FSIP1: variants seen among roughly 807,000 people sequenced by gnomAD.
The protein encoded by FSIP1 is fibrous sheath-interacting protein 1.
Under a neutral mutation model 60.9 loss-of-function variants are expected in FSIP1, and 65 were observed. The ratio of observed to expected loss-of-function variants is 1.07; its 90% CI spans 0.87 to 1.31. The LOEUF (loss-of-function observed/expected upper bound fraction) is 1.31, where lower values mean the gene tolerates loss of function less well. Ranked by LOEUF, FSIP1 falls within the 40% of genes most tolerant of loss-of-function variation. The probability of loss-of-function intolerance (pLI) is 0.00; values close to 1 mark genes in which losing one functional copy is unlikely to be tolerated. For missense variants in FSIP1, 675 were observed against 665.5 expected (o/e 1.01, Z -0.16); for synonymous variants, 209 against 221.2 (o/e 0.94, Z 0.49).
intron 2 of FSIP1, among the ~76,000 whole-genome samples, chr15:39,774,137 C>T (rs1222453501): frequency 6.6e-6 from 1 of 152,174 alleles, no homozygotes; most frequent in East Asian, 1.9e-4. Context: ...AAAGTCAAAG[C>T]AATTTCAATC....
chr15:39,766,998 C>T (rs1447802863), intron 3 of FSIP1, among the ~76,000 whole-genome samples: 1 of 152,060 alleles, frequency 6.6e-6, no homozygotes, highest in Non-Finnish European at 1.5e-5. Context: ...GTGCATGTCA[C>T]CATACCTGGA....
chr15:39,674,256 G>A (rs2411306), intron 10 of FSIP1, among the ~76,000 whole-genome samples: 137,375 of 152,026 alleles, frequency 0.9, 62,869 homozygotes, highest in Non-Finnish European at 0.99. Flanking sequence ...GGGTTTCACC[G>A]TGTTAGCCAG....
chr15:39,758,817 G>C (rs528034628), intron 5 of FSIP1, among the ~76,000 whole-genome samples: 1 of 152,068 alleles, frequency 6.6e-6, no homozygotes, highest in Admixed American at 6.6e-5. Flanking sequence ...AATCAAAATA[G>C]AGTGGTATTA....
chr15:39,661,965 C>T (rs568824272), intron 10 of FSIP1, among the ~76,000 whole-genome samples: 82 of 152,238 alleles, frequency 5.4e-4, no homozygotes, highest in African/African-American at 1.9e-3. Flanking sequence ...TATTCTTGGA[C>T]AGGCCAGAAT....
At chr15:39,764,016 G>A (rs1216648947) in intron 4 of FSIP1, 102 bp from the exon 5 acceptor site, 4 of 655,652 alleles carry the variant, frequency 6.1e-6, no homozygotes, top group African/African-American at 1.8e-5. Flanking sequence ...ACGTACAAAC[G>A]AGAAGTCTCA....
chr15:39,736,376 T>C (rs1466553000), intron 8 of FSIP1, among the ~76,000 whole-genome samples: 1 of 152,248 alleles, frequency 6.6e-6, no homozygotes, highest in Non-Finnish European at 1.5e-5. Context: ...TTATTATGTG[T>C]GATATTCTGT....
intron 10 of FSIP1, among the ~76,000 whole-genome samples, chr15:39,692,032 G>A (rs1190706322): frequency 6.7e-6 from 1 of 150,202 alleles, no homozygotes; most frequent in Admixed American, 6.7e-5. Context: ...TTTAAGTGCT[G>A]CAAAAGGATT....
chr15:39,749,106 AG>A (rs1897084984), intron 5 of FSIP1, among the ~76,000 whole-genome samples: 1 of 151,902 alleles, frequency 6.6e-6, no homozygotes, highest in African/African-American at 2.4e-5. Context: ...TAAATCAGGA[AG>A]AAACAGAAAG....
At chr15:39,642,671 A>T (rs953876968) in intron 10 of FSIP1, among the ~76,000 whole-genome samples, 1 of 152,216 alleles carries the variant, frequency 6.6e-6, no homozygotes, top group Non-Finnish European at 1.5e-5. Flanking sequence ...GAAAACCTGA[A>T]ACCTTTTTTC....
intron 10 of FSIP1, among the ~76,000 whole-genome samples, chr15:39,699,193 G>C (rs1373940127): frequency 6.6e-6 from 1 of 152,192 alleles, no homozygotes; most frequent in Non-Finnish European, 1.5e-5. Flanking sequence ...TAGTTACAAG[G>C]GAGTCTGAGA....
rs909739531 is a variant in FSIP1, at chr15:39,635,080, A to T, written c.1189-16835T>A. Among the ~76,000 whole-genome samples the T allele has an allele frequency of 2.0e-5, 3 of 152,312 alleles. No individual in the cohort carries two copies. The East Asian group carries it at 5.8e-4, about 29-fold the overall frequency. On this transcript the variant is annotated intron_variant, in intron 10 of 11. Transcript: ENST00000350221. ...GCTGGGTGCGGTAGCTCACGCCTGT[A>T]ATCCCAGCACTTTGGGAAGCCGAGG...
intron 10 of FSIP1, among the ~76,000 whole-genome samples, chr15:39,673,892 TA>T (rs1446683455): frequency 1.3e-5 from 2 of 151,986 alleles, no homozygotes; most frequent in African/African-American, 2.4e-5. Flanking sequence ...AGCATTTTTT[TA>T]GTTTTAGTTT....
chr15:39,678,063 T>C (rs1322045170), intron 10 of FSIP1, among the ~76,000 whole-genome samples: 1 of 151,876 alleles, frequency 6.6e-6, no homozygotes, highest in Non-Finnish European at 1.5e-5. Flanking sequence ...TGTAACATAA[T>C]ATGTCCAGTA....
intron 10 of FSIP1, among the ~76,000 whole-genome samples, chr15:39,637,274 A>G (rs1892174842): frequency 6.6e-6 from 1 of 152,216 alleles, no homozygotes; most frequent in South Asian, 2.1e-4. Flanking sequence ...AACAGAAATA[A>G]CAAAACTAAG....
At chr15:39,722,414 C>A (rs1052484273) in intron 9 of FSIP1, among the ~76,000 whole-genome samples, 1 of 152,110 alleles carries the variant, frequency 6.6e-6, no homozygotes, top group African/African-American at 2.4e-5. Context: ...CCTCTCTGGG[C>A]CCGTGGAAGA....
At chr15:39,775,553 T>A (rs1283378645) in intron 2 of FSIP1, among the ~76,000 whole-genome samples, 1 of 152,150 alleles carries the variant, frequency 6.6e-6, no homozygotes, top group African/African-American at 2.4e-5. Flanking sequence ...ATATCTGATA[T>A]GTTTTGACTC....
intron 10 of FSIP1, among the ~76,000 whole-genome samples, chr15:39,654,001 G>A (rs995827049): frequency 1.3e-5 from 2 of 152,122 alleles, no homozygotes; most frequent in African/African-American, 4.8e-5. Flanking sequence ...CACAGGGTCA[G>A]GGTCACCAAC....
chr15:39,738,992 C>T (rs371893797), intron 7 of FSIP1, among the ~76,000 whole-genome samples: 5 of 152,386 alleles, frequency 3.3e-5, no homozygotes, highest in African/African-American at 1.2e-4. Context: ...AGTGACTCTG[C>T]TCAAGGGTGT....
At chr15:39,686,471 G>A (rs1487951159) in intron 10 of FSIP1, among the ~76,000 whole-genome samples, 1 of 152,144 alleles carries the variant, frequency 6.6e-6, no homozygotes, top group Non-Finnish European at 1.5e-5. Context: ...TGACTTTATC[G>A]CCCCTTGGCA....
Sources: gnomAD v4.1 joint callset for allele counts (sites outside exome capture counted in the v4.1 genomes callset) on GRCh38, gnomAD v4.1.1 for gene constraint, MANE v1.5 for transcripts, NCBI Gene and HGNC (gene_info 2026-07-23, HGNC 2026-07-21) for gene names.